Variants in REPS2 observed in about 807,000 individuals in gnomAD.
REPS2 encodes ralBP1-associated Eps domain-containing protein 2.
A neutral mutation model predicts 53.6 loss-of-function variants in REPS2; 23 were observed. The ratio of observed to expected loss-of-function variants is 0.43; its 90% CI spans 0.31 to 0.61. The LOEUF is 0.61. Ranked by LOEUF, REPS2 falls within the 20% of genes least tolerant of loss-of-function variation. The pLI, the probability that REPS2 is intolerant of heterozygous loss-of-function variation, is 0.11. For missense variants in REPS2, 446 were observed against 534.9 expected (o/e 0.83, Z 1.64); for synonymous variants, 238 against 218.6 (o/e 1.09, Z -0.78).
At chrX:17,190,806 T>C in the REPS2 span, among the ~76,000 whole-genome samples, 1 of 112,149 alleles carries the variant, frequency 8.9e-6, no homozygotes, top group African/African-American at 3.2e-5. Flanking sequence ...AGTCCAGAAG[T>C]TAACCTACTC....
the REPS2 span, among the ~76,000 whole-genome samples, chrX:17,178,788 T>C: frequency 3.7e-5 from 4 of 109,344 alleles, no homozygotes; most frequent in Non-Finnish European, 5.7e-5. Flanking sequence ...ATTAGCCAGG[T>C]GTGGTGGCGT....
At chrX:17,102,671 A>C (rs1258129999) in intron 13 of REPS2, among the ~76,000 whole-genome samples, 1 of 112,553 alleles carries the variant, frequency 8.9e-6, no homozygotes, top group Non-Finnish European at 1.9e-5. Context: ...TATTACCCTG[A>C]GTTACATTTG....
intron 8 of REPS2, among the ~76,000 whole-genome samples, chrX:17,060,137 C>T (rs377354980): frequency 9.2e-6 from 1 of 109,156 alleles, no homozygotes; most frequent in African/African-American, 3.3e-5. Flanking sequence ...CCTGTCTCCA[C>T]CAAAAAATAC....
intron 6 of REPS2, among the ~76,000 whole-genome samples, chrX:17,050,216 G>A (rs2061982010): frequency 4.7e-5 from 1 of 21,416 alleles, no homozygotes; most frequent in Non-Finnish European, 9.3e-5. Flanking sequence ...TTTTTGACAG[G>A]GTCTTACTCT....
At chrX:17,089,605 A>G (rs903731653) in intron 13 of REPS2, among the ~76,000 whole-genome samples, 1 of 111,720 alleles carries the variant, frequency 9.0e-6, no homozygotes, top group Non-Finnish European at 1.9e-5. Context: ...CCTTTTCTGA[A>G]TATTTCATAT....
Position 17,077,228 on chromosome X carries a change from A to G in REPS2, c.1380-43A>G, listed in dbSNP as rs370416189. The stretch of plus-strand genomic sequence containing the variant: ...ATTTCACCCCAACTTCAGAGAGTAA[A>G]GCTTTGCTATTTCGCTTCTGACCTT... On this transcript the variant is annotated intron_variant, in intron 12 of 17. Transcript: ENST00000357277. 2.1e-5 allele frequency: 24 copies of G among 1,126,686 alleles called. No homozygotes were observed. In the African/African-American group the frequency reaches 4.1e-4, roughly 19 times the overall value. 92.9% of individuals were successfully genotyped at this position (1,126,686 alleles called of 1,213,427 possible).
At chrX:16,958,550 G>A (rs1235733084) in intron 1 of REPS2, among the ~76,000 whole-genome samples, 2 of 112,021 alleles carry the variant, frequency 1.8e-5, no homozygotes, top group South Asian at 7.5e-4. Flanking sequence ...AGGGAGGGGA[G>A]GGAATGTCGT....
At chrX:17,009,363 T>C (rs2147806965) in intron 2 of REPS2, among the ~76,000 whole-genome samples, 1 of 111,083 alleles carries the variant, frequency 9.0e-6, no homozygotes, top group South Asian at 3.8e-4. Context: ...AGATGGGGTT[T>C]TGCCATGTTG....
chrX:17,062,319 G>A, intron 8 of REPS2, 119 bp from the exon 9 acceptor site: 3 of 497,433 alleles, frequency 6.0e-6, no homozygotes, highest in Non-Finnish European at 1.0e-5. Context: ...GCCATATGTG[G>A]TCTATCAGAG....
intron 9 of REPS2, among the ~76,000 whole-genome samples, chrX:17,066,461 A>G (rs888123090): frequency 1.8e-5 from 2 of 112,365 alleles, no homozygotes; most frequent in Non-Finnish European, 3.8e-5. Flanking sequence ...TACATTGCCT[A>G]CTTCTAAATT....
intron 16 of REPS2, chrX:17,137,098 G>C (rs904035470): frequency 1.8e-5 from 2 of 112,015 alleles, no homozygotes; most frequent in Admixed American, 9.4e-5. Context: ...CCACTATACT[G>C]TTTGTGTACA....
intron 5 of REPS2, among the ~76,000 whole-genome samples, chrX:17,043,635 T>G (rs1189110394): frequency 8.9e-6 from 1 of 112,013 alleles, no homozygotes; most frequent in African/African-American, 3.2e-5. Context: ...AGCATCTGTT[T>G]AGGGTCTACT....
chrX:17,144,933 C>T (rs1292625298), intron 17 of REPS2, among the ~76,000 whole-genome samples: 1 of 111,219 alleles, frequency 9.0e-6, no homozygotes, highest in Non-Finnish European at 1.9e-5. Flanking sequence ...GGAGTTTTAG[C>T]TTATGTTCGT....
At position 17,134,614 on chromosome X, in the gene REPS2, T is replaced by G. The variant is rs775097081; in HGVS notation, c.1663-647T>G. 4.1e-4 allele frequency among the ~76,000 whole-genome samples: 45 copies of G among 109,426 alleles called. No individual in the cohort carries two copies. In the South Asian group the frequency reaches 7.5e-3, roughly 18 times the overall value. On this transcript the variant is annotated intron_variant, in intron 15 of 17. Coordinates refer to ENST00000357277, the MANE Select transcript of REPS2 (RefSeq NM_004726.3). ...CCTTTAAAAACTTCCAAAGCTTAGG[T>G]TTTTTTTTGTTTTTGTTTTTGTTTT...
intron 1 of REPS2, among the ~76,000 whole-genome samples, chrX:16,949,506 C>G (rs1337609562): frequency 8.9e-6 from 1 of 112,374 alleles, no homozygotes; most frequent in Non-Finnish European, 1.9e-5. Flanking sequence ...CTCCCGGGTT[C>G]AAGCGATTCT....
At chrX:16,990,984 A>G (rs2061155940) in intron 1 of REPS2, among the ~76,000 whole-genome samples, 1 of 110,901 alleles carries the variant, frequency 9.0e-6, no homozygotes, top group Non-Finnish European at 1.9e-5. Context: ...TTGTTATGAA[A>G]TGGAGCCACG....
chrX:17,085,376 A>G (rs1171745979), intron 13 of REPS2, among the ~76,000 whole-genome samples: 11 of 111,907 alleles, frequency 9.8e-5, no homozygotes, highest in Non-Finnish European at 7.5e-5. Flanking sequence ...TTTCCACATG[A>G]AATTTATGAT....
chrX:17,027,720 CT>C (rs1335837624), intron 4 of REPS2, among the ~76,000 whole-genome samples: 2 of 68,480 alleles, frequency 2.9e-5, no homozygotes, highest in African/African-American at 1.2e-4. Context: ...ACTTCCAGTT[CT>C]TATTAAACCT....
At chrX:17,172,830 T>A in the REPS2 span, among the ~76,000 whole-genome samples, 1 of 111,705 alleles carries the variant, frequency 9.0e-6, no homozygotes, top group East Asian at 2.8e-4. Context: ...CTGTTAACAC[T>A]TGAATATTTT....
Sources: gnomAD v4.1 joint callset for allele counts (sites outside exome capture counted in the v4.1 genomes callset) on GRCh38, gnomAD v4.1.1 for gene constraint, MANE v1.5 for transcripts, NCBI Gene and HGNC (gene_info 2026-07-23, HGNC 2026-07-21) for gene names.